The following CEP250 variants were observed in gnomAD, a reference collection of about 807,000 sequenced individuals.
CEP250 encodes centrosome-associated protein CEP250.
Under a neutral mutation model 315.7 loss-of-function variants are expected in CEP250, and 242 were observed. That is an observed-to-expected ratio of 0.77 (90% CI 0.69 to 0.85). CEP250 has a LOEUF of 0.85. Among genes scored for constraint, CEP250 ranks in the 40% least tolerant of loss-of-function variants. The probability of loss-of-function intolerance (pLI) is 0.00; values close to 1 mark genes in which losing one functional copy is unlikely to be tolerated. For missense variants in CEP250, 2,515 were observed against 2,886.4 expected (o/e 0.87, Z 2.95); for synonymous variants, 1,088 against 1,175.0 (o/e 0.93, Z 1.51).
At chr20:35,461,479 A>G (rs2062755401) in intron 3 of CEP250, among the ~76,000 whole-genome samples, 1 of 152,196 alleles carries the variant, frequency 6.6e-6, no homozygotes, top group Admixed American at 6.5e-5. Context: ...GTGGTGGCCC[A>G]TTGCCCTGTT....
rs1486949122 is a variant in CEP250 at position 35,493,417 on chromosome 20, A to G, written c.2890-12A>G. ...GATTTCCTCTACTCAATGATTTCTT[A>G]TCCCTCTTCAGGAGACCACTGGGAT... On this transcript the variant is annotated splice_polypyrimidine_tract_variant and intron_variant, in intron 22 of 34. Transcript: ENST00000397527. 7 of 1,546,394 alleles carry G rather than the reference A, an allele frequency of 4.5e-6. No individual in the cohort carries two copies. The highest frequency in any genetic ancestry group is 6.1e-6 in the Non-Finnish European group (7 of 1,150,816).
At chr20:35,509,125 C>A in intron 33 of CEP250, 81 bp downstream of exon 33, 2 of 1,141,872 alleles carry the variant, frequency 1.8e-6, no homozygotes, top group South Asian at 1.4e-5. Context: ...TTGCATATCC[C>A]GGGCCAACAG....
rs555985621 is a variant in CEP250 at position 35,504,475 on chromosome 20, G to A, written c.6106G>A (p.Asp2036Asn). The A allele has an allele frequency of 7.1e-5, 115 of 1,613,622 alleles. 1 individual carries two copies. In the East Asian group the frequency reaches 2.4e-3, roughly 34 times the overall value. ...GGACCAGGATCTCCGATACCAGGAG[G>A]ATGTGCAGCAGCTGCAGCAGGCACT... is the stretch of plus-strand genomic sequence containing the variant. The part of the protein sequence containing the change: ...IQDQDLRYQE[D>N]VQQLQQALAQ... The change falls in exon 30 of 35, where the codon GAT becomes AAT. Residue 2036 changes from aspartate (D) to asparagine (N), a missense_variant. Coordinates refer to ENST00000397527, the MANE Select transcript of CEP250 (RefSeq NM_007186.6).
intron 1 of CEP250, among the ~76,000 whole-genome samples, chr20:35,457,276 G>A (rs1458917651): frequency 6.6e-6 from 1 of 152,180 alleles, no homozygotes; most frequent in African/African-American, 2.4e-5. Flanking sequence ...TGTGGAATTT[G>A]CATTTTGGTA....
rs778255060 is a variant in CEP250, at chr20:35,469,973, C to T, written c.935C>T (p.Thr312Ile). Residue 312 changes from threonine to isoleucine, a missense_variant, in exon 10 of 35, where the codon ACA becomes ATA. Thr to Ile is a moderately conservative substitution (Grantham distance 89, BLOSUM62 -1). Transcript: ENST00000397527. ...YEKMIKALRETVEILETNHTE... is the reference protein window; with the variant it reads ...YEKMIKALREIVEILETNHTE... ...AAGATGATAAAGGCTCTGAGAGAGA[C>T]AGTGGAGATCCTGGTACATGATCCT... The T allele has an allele frequency of 2.7e-5, 44 of 1,611,750 alleles. No homozygotes were observed. The highest frequency in any genetic ancestry group is 1.7e-4 in the Middle Eastern group (1 of 6,060).
chr20:35,471,597 T>C (rs1601151224), intron 10 of CEP250, among the ~76,000 whole-genome samples: 1 of 152,158 alleles, frequency 6.6e-6, no homozygotes, highest in Admixed American at 6.5e-5. Context: ...GATTCTCTGG[T>C]TTAGTATTAG....
chr20:35,505,393 C>T (rs2064156608), intron 30 of CEP250, among the ~76,000 whole-genome samples: 1 of 152,138 alleles, frequency 6.6e-6, no homozygotes, highest in Non-Finnish European at 1.5e-5. Context: ...TGGCTCACGC[C>T]GGTAATCCCA....
chr20:35,468,342 G>A (rs1281514873), intron 9 of CEP250, among the ~76,000 whole-genome samples: 1 of 152,134 alleles, frequency 6.6e-6, no homozygotes, highest in Non-Finnish European at 1.5e-5. Flanking sequence ...TTACAGCATT[G>A]ATCTCACTGA....
rs553817129 is a variant in CEP250, at chr20:35,468,445, G to A, written c.851+890G>A. On this transcript the variant is annotated intron_variant, in intron 9 of 34. Transcript: ENST00000397527. The stretch of plus-strand genomic sequence containing the variant: ...GTTTTTAAAAAATAATGACATAGAA[G>A]GGCAGGGAAATGAGCAGAGAGCCCC... 4.6e-5 allele frequency among the ~76,000 whole-genome samples: 7 copies of A among 152,170 alleles called. No individual in the cohort carries two copies. In the East Asian group the frequency reaches 1.2e-3, roughly 25 times the overall value.
chr20:35,474,010 A>G lies in CEP250; in HGVS notation c.1529A>G (p.Gln510Arg). ...GDSAQGQKEE[Q>R]QEELHLAVRE... ...TCTGCCCAGGGCCAGAAGGAGGAAC[A>G]GCAGGAGGAGCTGCACCTGGCTGTC... is the stretch of plus-strand genomic sequence containing the variant. The change falls in exon 14 of 35, where the codon CAG becomes CGG. Residue 510 changes from glutamine (Q) to arginine (R), a missense_variant. Coordinates refer to ENST00000397527, the MANE Select transcript of CEP250 (RefSeq NM_007186.6). The G allele has an allele frequency of 6.3e-7, 1 of 1,598,632 alleles. No homozygotes were observed. The highest frequency in any genetic ancestry group is 8.5e-7 in the Non-Finnish European group (1 of 1,174,634).
chr20:35,455,879 A>G (rs1403764903), intron 1 of CEP250, 128 bp downstream of exon 1: 1 of 152,352 alleles, frequency 6.6e-6, no homozygotes, highest in Non-Finnish European at 1.5e-5. Flanking sequence ...TACTGAATGC[A>G]TTACACATAA....
rs1298094556 is a variant in CEP250 at position 35,460,029 on chromosome 20, A to C, written c.-180A>C. 6.6e-6 allele frequency: 1 copy of C among 152,164 alleles called. No homozygotes were observed. Among genetic ancestry groups the C allele is most frequent in the Non-Finnish European group, 1.5e-5 (1 of 68,024 alleles). 9.4% of individuals were successfully genotyped at this position (152,164 alleles called of 1,614,324 possible). A position where few individuals can be genotyped will look rare whatever the true frequency, so the allele number is the denominator to read the frequency against. On this transcript the variant is annotated 5_prime_UTR_variant, in exon 3 of 35. Transcript: ENST00000397527. ...CTGGGATAAGAGAATAGTTTCCTGG[A>C]AGATCTGTGCCTCCAACCAGCAGAG...
At position 35,515,701 on chromosome 20, in the gene CEP250, G is replaced by C. The variant is rs114562272; in HGVS notation, c.*4075G>C. 4 of 152,366 alleles carry C rather than the reference G, an allele frequency of 2.6e-5. No homozygotes were observed. The allele number at this position is 152,366 out of a possible 1,614,324, so 9.4% of individuals were successfully genotyped here. ...CTTCTGACCCAGTACTCTGCAGAGC[G>C]GGGGAATGGGGCCAGGGGACAGGGG... On this transcript the variant is annotated 3_prime_UTR_variant, in exon 35 of 35. Transcript: ENST00000397527.
intron 1 of CEP250, among the ~76,000 whole-genome samples, chr20:35,456,446 TGATCA>T (rs887920960): frequency 1.3e-5 from 2 of 152,186 alleles, no homozygotes; most frequent in Admixed American, 1.3e-4. Context: ...GCTAGGCTTG[TGATCA>T]GTATTTTACC....
chr20:35,506,606 C>A (rs767013451), intron 30 of CEP250, among the ~76,000 whole-genome samples: 7 of 152,102 alleles, frequency 4.6e-5, no homozygotes, highest in Non-Finnish European at 1.0e-4. Context: ...ACACAGTCCC[C>A]CAGAGAGTTC....
At chr20:35,463,654 C>T (rs1177593179) in intron 5 of CEP250, 23 bp downstream of exon 5, 4 of 1,593,098 alleles carry the variant, frequency 2.5e-6, no homozygotes, top group Non-Finnish European at 2.6e-6. Context: ...GAGCTCTCTG[C>T]ACCCCCTGGG....
chr20:35,503,525 C>T lies in CEP250; in HGVS notation c.5156C>T (p.Ala1719Val). The part of the protein sequence containing the change: ...RAEEGKGPSK[A>V]QRGSLEHMKL... Reference sequence around the variant, plus strand: ...GAGGAAGGGAAGGGCCCAAGTAAAGCACAGCGCGGGAGCCTAGAGCACATG... The same window carrying T: ...GAGGAAGGGAAGGGCCCAAGTAAAGTACAGCGCGGGAGCCTAGAGCACATG... Residue 1719 changes from alanine to valine, a missense_variant, in exon 30 of 35, where the codon GCA becomes GTA. Coordinates refer to ENST00000397527, the MANE Select transcript of CEP250 (RefSeq NM_007186.6). This position sits in a 1 kb window ranked among gnomAD's most constrained non-coding sequence, Gnocchi z 4.2. 1 of 1,614,040 alleles carries T rather than the reference C, an allele frequency of 6.2e-7. No individual in the cohort carries two copies. Among genetic ancestry groups the T allele is most frequent in the South Asian group, 1.1e-5 (1 of 91,082 alleles).
intron 17 of CEP250, among the ~76,000 whole-genome samples, chr20:35,478,807 C>A (rs376842584): frequency 8.5e-5 from 13 of 152,260 alleles, no homozygotes; most frequent in African/African-American, 2.9e-4. Flanking sequence ...ATAACAGGGG[C>A]CAAGTAAATT....
Position 35,473,933 on chromosome 20 carries a change from G to A in CEP250, c.1452G>A (p.Gln484=), listed in dbSNP as rs2063096104. 6.2e-7 allele frequency: 1 copy of A among 1,613,094 alleles called. No homozygotes were observed. The highest frequency in any genetic ancestry group is 8.5e-7 in the Non-Finnish European group (1 of 1,179,726). Reference sequence around the variant, plus strand: ...GGCAGCAGCTGGAGGTGCTAGAGCAGGAGGCATGGCGCCTGCGAAGGGTAA... The same window carrying A: ...GGCAGCAGCTGGAGGTGCTAGAGCAAGAGGCATGGCGCCTGCGAAGGGTAA... The part of the protein sequence containing the change: ...ELRQQLEVLE[Q]EAWRLRRVNV... Residue 484 remains glutamine (Q), a synonymous_variant, in exon 14 of 35, where the codon CAG becomes CAA. Transcript: ENST00000397527.
Sources: gnomAD v4.1 joint callset for allele counts (sites outside exome capture counted in the v4.1 genomes callset) on GRCh38, gnomAD v4.1.1 for gene constraint, Gnocchi (gnomAD v3.1) non-coding constraint, MANE v1.5 for transcripts, NCBI Gene and HGNC (gene_info 2026-07-23, HGNC 2026-07-21) for gene names.